The following CKAP5 variants were observed in gnomAD, a reference collection of about 807,000 sequenced individuals.
CKAP5 encodes cytoskeleton-associated protein 5.
CKAP5 carries 27 observed loss-of-function variants against 232.8 expected under a neutral mutation model. That is an observed-to-expected ratio of 0.12 (90% CI 0.09 to 0.16). The LOEUF (loss-of-function observed/expected upper bound fraction) is 0.16, where lower values mean the gene tolerates loss of function less well. Among genes scored for constraint, CKAP5 ranks in the 10% least tolerant of loss-of-function variants. The pLI is 1.00. For missense variants in CKAP5, 1,838 were observed against 2,424.7 expected, an observed-to-expected ratio of 0.76 and a Z score of 5.08; for synonymous variants, 785 against 841.1, an observed-to-expected ratio of 0.93 and a Z score of 1.16.
At chr11:46,753,091 T>TG in intron 37 of CKAP5, 1 of 465,178 alleles carries the variant, frequency 2.1e-6, no homozygotes, top group Non-Finnish European at 3.8e-6. Flanking sequence ...AAAATACCTT[T>TG]GGTCCATGAT....
At chr11:46,768,228 TCA>T (rs572928888) in intron 26 of CKAP5, among the ~76,000 whole-genome samples, 124 of 152,312 alleles carry the variant, frequency 8.1e-4, no homozygotes, top group African/African-American at 3.0e-3. Context: ...AGGGTTTCTG[TCA>T]CACAGACTAG....
At chr11:46,786,629 G>T (rs2065396708) in intron 16 of CKAP5, among the ~76,000 whole-genome samples, 1 of 152,170 alleles carries the variant, frequency 6.6e-6, no homozygotes, top group African/African-American at 2.4e-5. Context: ...AGGACCTAGG[G>T]AATAAGATAT....
In CKAP5 at chr11:46,834,969, TA is replaced by T. The variant is rs1353464021; in HGVS notation, c.-38+11250del. 2.2e-5 allele frequency among the ~76,000 whole-genome samples: 3 copies of T among 135,156 alleles called. No homozygotes were observed. The East Asian group carries it at 9.1e-4, about 41-fold the overall frequency. 88.7% of individuals were successfully genotyped at this position (135,156 alleles called of 152,430 possible). A position where few individuals can be genotyped will look rare whatever the true frequency, so the allele number is the denominator to read the frequency against. On this transcript the variant is annotated intron_variant, in intron 1 of 43. Coordinates refer to ENST00000529230, the MANE Select transcript of CKAP5 (RefSeq NM_001008938.4). ...ACAGGCATGCACCACCACTCCCAGC[TA>T]ATTTTTTTTTTTTTTCCTAGATATG...
At chr11:46,841,997 CAAAAA>C (rs3031699) in intron 1 of CKAP5, among the ~76,000 whole-genome samples, 6 of 109,388 alleles carry the variant, frequency 5.5e-5, no homozygotes, top group Non-Finnish European at 5.4e-5. Flanking sequence ...GACTTTGGTT[CAAAAA>C]AAAAAAAAAA....
Position 46,810,995 on chromosome 11 carries a change from TTTTTG to T in CKAP5, c.630+7_630+11del, listed in dbSNP as rs762326807. 1.9e-4 allele frequency: 294 copies of T among 1,570,940 alleles called. 4 individuals are homozygous for T. In the East Asian group the frequency reaches 5.4e-3, roughly 29 times the overall value. On this transcript the variant is annotated splice_region_variant and intron_variant, in intron 5 of 43. Transcript: ENST00000529230. Reference sequence around the variant, plus strand: ...CCTTGTGCGAAAGCAACCAGAAAACTTTTTGTCTCACCTGAACAGAGTTTATATTT... The same window carrying T: ...CCTTGTGCGAAAGCAACCAGAAAACTTCTCACCTGAACAGAGTTTATATTT...
At position 46,750,262 on chromosome 11, in the gene CKAP5, A is replaced by G; in HGVS notation, c.5704+12T>C. 1 of 1,611,396 alleles carries G rather than the reference A, an allele frequency of 6.2e-7. No homozygotes were observed. The highest frequency in any genetic ancestry group is 1.7e-4 in the Middle Eastern group (1 of 6,046). On this transcript the variant is annotated intron_variant, in intron 42 of 43. Transcript: ENST00000529230. ...TTGAGCTTATTCCTGGAGCTATAAC[A>G]GGAAACCATACCTGTTGAAGTGGAA...
chr11:46,837,422 A>G (rs61898461), intron 1 of CKAP5, among the ~76,000 whole-genome samples: 14,065 of 152,282 alleles, frequency 0.092, 654 homozygotes, highest in Non-Finnish European at 0.1. Context: ...AGATATGTCT[A>G]TATACATGGG....
Position 46,750,457 on chromosome 11 carries a change from G to C in CKAP5, c.5545-24C>G, listed in dbSNP as rs1202811077. 9 of 1,613,534 alleles carry C rather than the reference G, an allele frequency of 5.6e-6. No homozygotes were observed. In the East Asian group the frequency reaches 1.8e-4, roughly 32 times the overall value. Reference sequence around the variant, plus strand: ...CCCTGGTGAACAGGAAAAGGGAAGAGGTGGGGATGAATGTTAGTGTCCCTT... The same window carrying C: ...CCCTGGTGAACAGGAAAAGGGAAGACGTGGGGATGAATGTTAGTGTCCCTT... On this transcript the variant is annotated intron_variant, in intron 41 of 43. Coordinates refer to ENST00000529230, the MANE Select transcript of CKAP5 (RefSeq NM_001008938.4).
chr11:46,838,975 C>T (rs1285411384), intron 1 of CKAP5, among the ~76,000 whole-genome samples: 1 of 151,770 alleles, frequency 6.6e-6, no homozygotes, highest in Non-Finnish European at 1.5e-5. Flanking sequence ...TTTTGTTCAA[C>T]AAATATTTTT....
At position 46,809,737 on chromosome 11, in the gene CKAP5, C is replaced by T. The variant is rs1939234017; in HGVS notation, c.763+5G>A. On this transcript the variant is annotated splice_donor_5th_base_variant and intron_variant, in intron 6 of 43. Transcript: ENST00000529230. ...TGCAGAAACCGGTGTTTAAAATTGGCTTACCTCCTTCAGCATCTCCACCAG... is the reference window on the plus strand; with the variant it reads ...TGCAGAAACCGGTGTTTAAAATTGGTTTACCTCCTTCAGCATCTCCACCAG... 2 of 1,613,590 alleles carry T rather than the reference C, an allele frequency of 1.2e-6. No homozygotes were observed. The highest frequency in any genetic ancestry group is 8.5e-7 in the Non-Finnish European group (1 of 1,179,954).
At chr11:46,763,201 A>C in intron 29 of CKAP5, 22 bp from the exon 30 acceptor site, 1 of 1,508,454 alleles carries the variant, frequency 6.6e-7, no homozygotes, top group Non-Finnish European at 9.1e-7. Flanking sequence ...ACAAAACAAA[A>C]CTCCCACAAA....
At chr11:46,752,753 G>A (rs932400655) in intron 37 of CKAP5, 43 bp from the exon 38 acceptor site, 18 of 1,473,538 alleles carry the variant, frequency 1.2e-5, no homozygotes, top group Middle Eastern at 3.5e-4. Context: ...TTTCAAACCT[G>A]CATTCCAATT....
intron 8 of CKAP5, among the ~76,000 whole-genome samples, chr11:46,805,862 G>A (rs1295715972): frequency 3.9e-5 from 6 of 152,152 alleles, no homozygotes; most frequent in African/African-American, 7.2e-5. Context: ...ACTTGAACAC[G>A]GGAGGCAGAG....
At chr11:46,746,175 T>C (rs1425755960) in intron 42 of CKAP5, among the ~76,000 whole-genome samples, 1 of 152,174 alleles carries the variant, frequency 6.6e-6, no homozygotes, top group Non-Finnish European at 1.5e-5. Flanking sequence ...TGAATGTCAC[T>C]AAACTCGGAA....
At chr11:46,831,088 A>C (rs1163210988) in intron 1 of CKAP5, among the ~76,000 whole-genome samples, 1 of 152,104 alleles carries the variant, frequency 6.6e-6, no homozygotes, top group Non-Finnish European at 1.5e-5. Context: ...ATTGTTAACC[A>C]TGACTTCTGA....
chr11:46,845,180 G>A (rs372352592), intron 1 of CKAP5, among the ~76,000 whole-genome samples: 22 of 152,284 alleles, frequency 1.4e-4, no homozygotes, highest in African/African-American at 4.8e-4. Context: ...ACTTTTCAGG[G>A]TGATGAAAAT....
intron 1 of CKAP5, among the ~76,000 whole-genome samples, chr11:46,836,745 C>T (rs1265429864): frequency 6.6e-6 from 1 of 152,124 alleles, no homozygotes; most frequent in African/African-American, 2.4e-5. Context: ...ACTAGTCTTA[C>T]CATATGATCC....
rs564223848 is a variant in CKAP5 at position 46,821,868 on chromosome 11, G to A, written c.-37-600C>T. Among the ~76,000 whole-genome samples the A allele has an allele frequency of 5.7e-4, 86 of 151,872 alleles. 1 individual carries two copies. The highest frequency in any genetic ancestry group is 1.4e-3 in the African/African-American group (56 of 41,456). On this transcript the variant is annotated intron_variant, in intron 1 of 43. Coordinates refer to ENST00000529230, the MANE Select transcript of CKAP5 (RefSeq NM_001008938.4). ...AGTCTGGTCAACATGGTGAAATCCC[G>A]TCTCAATTGAAAATACAAAAATTAG...
chr11:46,771,545 T>C (rs755704250), intron 24 of CKAP5, among the ~76,000 whole-genome samples: 6 of 152,212 alleles, frequency 3.9e-5, no homozygotes, highest in African/African-American at 4.8e-5. Context: ...ATCTGAATTA[T>C]TGTATTTACC....
Sources: allele counts gnomAD v4.1 joint callset (sites outside exome capture counted in the v4.1 genomes callset), GRCh38; gene constraint gnomAD v4.1.1; transcripts MANE v1.5; gene names NCBI Gene and HGNC (gene_info 2026-07-23, HGNC 2026-07-21).